The following SLC2A9 variants were observed in gnomAD, a reference collection of about 807,000 sequenced individuals.
The protein encoded by SLC2A9 is solute carrier family 2 member 9, also known as solute carrier family 2, facilitated glucose transporter member 9.
In SLC2A9, 39 loss-of-function variants were observed where a neutral mutation model predicts 50.6. The ratio of observed to expected loss-of-function variants is 0.77; its 90% CI spans 0.60 to 1.01. The LOEUF is 1.01. Among genes scored for constraint, SLC2A9 ranks in the 50% least tolerant of loss-of-function variants. SLC2A9 has a pLI of 0.00. For synonymous variants in SLC2A9, 324 were observed against 276.9 expected (o/e 1.17, Z -1.69); for missense variants, 686 against 677.6 (o/e 1.01, Z -0.14).
At chr4:9,952,825 C>T (rs1373944322) in intron 5 of SLC2A9, among the ~76,000 whole-genome samples, 1 of 152,156 alleles carries the variant, frequency 6.6e-6, no homozygotes, top group Non-Finnish European at 1.5e-5. Context: ...TGTTTACAGC[C>T]GTGCAAGAAT....
intron 6 of SLC2A9, among the ~76,000 whole-genome samples, chr4:9,931,943 T>G (rs1453619905): frequency 1.6e-5 from 1 of 63,962 alleles, no homozygotes; most frequent in Non-Finnish European, 2.7e-5. Flanking sequence ...TCTCTCTCTC[T>G]CTCTCTCTCT....
intron 1 of SLC2A9, among the ~76,000 whole-genome samples, chr4:10,037,512 C>T (rs1328081812): frequency 6.6e-6 from 1 of 152,048 alleles, no homozygotes; most frequent in Non-Finnish European, 1.5e-5. Flanking sequence ...GGTGAAGTGA[C>T]TGAGGCAGTT....
intron 3 of SLC2A9, among the ~76,000 whole-genome samples, chr4:9,989,487 C>T (rs1390432637): frequency 6.6e-6 from 1 of 152,056 alleles, no homozygotes; most frequent in East Asian, 1.9e-4. Flanking sequence ...AACACAGAGG[C>T]AATCCCAAGA....
intron 10 of SLC2A9, among the ~76,000 whole-genome samples, chr4:9,844,019 G>C (rs1157447757): frequency 6.6e-6 from 1 of 152,108 alleles, no homozygotes; most frequent in African/African-American, 2.4e-5. Flanking sequence ...TTGAGGCATA[G>C]AATCCTATGA....
intron 3 of SLC2A9, among the ~76,000 whole-genome samples, chr4:9,786,973 C>G (rs550119681): frequency 4.5e-4 from 68 of 152,284 alleles, no homozygotes; most frequent in Non-Finnish European, 8.1e-4. Flanking sequence ...CTTGGCCAGG[C>G]AGGCAGACTC....
chr4:10,018,401 G>A (rs965360667), intron 2 of SLC2A9, among the ~76,000 whole-genome samples: 10 of 152,136 alleles, frequency 6.6e-5, no homozygotes, highest in Admixed American at 5.2e-4. Flanking sequence ...AATTAGTCGG[G>A]TGTGGTGGTG....
chr4:9,841,767 C>T (rs942610076), intron 10 of SLC2A9, among the ~76,000 whole-genome samples: 43 of 152,146 alleles, frequency 2.8e-4, no homozygotes, highest in African/African-American at 1.0e-3. Flanking sequence ...GCATATTCTA[C>T]TCCAGTGGCC....
intron 8 of SLC2A9, among the ~76,000 whole-genome samples, chr4:9,900,069 AT>A (rs886978984): frequency 3.3e-5 from 5 of 152,362 alleles, no homozygotes; most frequent in African/African-American, 1.2e-4. Context: ...AGAAAAAAAA[AT>A]AGCTCTTCAA....
intron 10 of SLC2A9, among the ~76,000 whole-genome samples, chr4:9,855,745 G>T (rs1047836954): frequency 3.9e-5 from 6 of 152,142 alleles, no homozygotes; most frequent in Non-Finnish European, 8.8e-5. Context: ...AAACAGCATG[G>T]TAGTGGTACA....
At chr4:9,810,216 C>T (rs1418930965) in intron 3 of SLC2A9, among the ~76,000 whole-genome samples, 1 of 152,088 alleles carries the variant, frequency 6.6e-6, no homozygotes, top group South Asian at 2.1e-4. Context: ...GAGAACATTA[C>T]CGAGTGCACA....
Position 9,968,601 on chromosome 4 carries a change from C to A in SLC2A9, c.681+11991G>T, listed in dbSNP as rs538281150. Among the ~76,000 whole-genome samples the A allele has an allele frequency of 4.6e-5, 7 of 152,256 alleles. No homozygotes were observed. In the South Asian group the frequency reaches 1.4e-3, roughly 32 times the overall value. On this transcript the variant is annotated intron_variant, in intron 5 of 11. Coordinates refer to ENST00000264784, the MANE Select transcript of SLC2A9 (RefSeq NM_020041.3). ...AATTTCTCATGCTTTTACTAAGAGC[C>A]ATATATCCCCCTGCTTAAAGTAATA... is the stretch of plus-strand genomic sequence containing the variant.
chr4:9,830,463 C>A lies in SLC2A9; in HGVS notation c.1420-3863G>T, dbSNP rs890437483. On this transcript the variant is annotated intron_variant, in intron 11 of 11. Coordinates refer to ENST00000264784, the MANE Select transcript of SLC2A9 (RefSeq NM_020041.3). ...TGATCTGTGTAGCAAACCACCACGG[C>A]ATGTGTTTACTTGTGTAACAAACCT... 4.6e-5 allele frequency among the ~76,000 whole-genome samples: 7 copies of A among 152,286 alleles called. No homozygotes were observed. The East Asian group carries it at 1.3e-3, about 29-fold the overall frequency.
intron 10 of SLC2A9, among the ~76,000 whole-genome samples, chr4:9,869,281 C>A (rs1473026576): frequency 6.6e-6 from 1 of 152,226 alleles, no homozygotes; most frequent in Non-Finnish European, 1.5e-5. Context: ...AATCAATTCT[C>A]ACATGCAAAC....
At chr4:9,956,763 A>T (rs78467813) in intron 5 of SLC2A9, among the ~76,000 whole-genome samples, 16 of 151,892 alleles carry the variant, frequency 1.1e-4, no homozygotes, top group African/African-American at 2.7e-4. Flanking sequence ...GTACCGAAAA[A>T]TTTTTTTAAA....
intron 10 of SLC2A9, among the ~76,000 whole-genome samples, chr4:9,869,583 A>T (rs1199251806): frequency 6.6e-6 from 1 of 152,118 alleles, no homozygotes; most frequent in African/African-American, 2.4e-5. Flanking sequence ...CTTATCTGAC[A>T]CACCAGGCAG....
downstream of SLC2A9, among the ~76,000 whole-genome samples, chr4:9,795,741 G>A (rs866231993): frequency 1.4e-4 from 21 of 152,144 alleles, no homozygotes; most frequent in East Asian, 1.9e-4. Context: ...GGTGAGGGAC[G>A]CATTGCCTTG....
intron 3 of SLC2A9, among the ~76,000 whole-genome samples, chr4:9,814,761 T>A (rs1047739784): frequency 6.6e-6 from 1 of 151,964 alleles, no homozygotes; most frequent in East Asian, 1.9e-4. Context: ...AGAGCAAAGG[T>A]GTTTATCAAC....
chr4:9,918,315 C>T lies in SLC2A9; in HGVS notation c.1002+2070G>A, dbSNP rs147805997. ...CTAGTGCTGGTAGCTCTCTTTGTCC[C>T]GTGAATTTGGATGACAAGGCAGCAG... On this transcript the variant is annotated intron_variant, in intron 7 of 11. Transcript: ENST00000264784. 3.7e-3 allele frequency among the ~76,000 whole-genome samples: 558 copies of T among 152,262 alleles called. 4 individuals carry two copies. The highest frequency in any genetic ancestry group is 4.7e-3 in the Non-Finnish European group (318 of 68,026).
chr4:10,006,965 T>G (rs958332335), intron 2 of SLC2A9, among the ~76,000 whole-genome samples: 2 of 152,106 alleles, frequency 1.3e-5, no homozygotes, highest in African/African-American at 4.8e-5. Context: ...TTGTCACAAC[T>G]CGTTGCTGTG....
Sources: gnomAD v4.1 joint callset for allele counts (sites outside exome capture counted in the v4.1 genomes callset) on GRCh38, gnomAD v4.1.1 for gene constraint, MANE v1.5 for transcripts, NCBI Gene and HGNC (gene_info 2026-07-23, HGNC 2026-07-21) for gene names.